Variants in EHBP1 observed in about 807,000 individuals in gnomAD.
EHBP1 encodes the protein EH domain binding protein 1, also known as EH domain-binding protein 1.
A neutral mutation model predicts 144.0 loss-of-function variants in EHBP1; 55 were observed. That is an observed-to-expected ratio of 0.38 (90% CI 0.31 to 0.48). EHBP1 has a LOEUF of 0.48. Among genes scored for constraint, EHBP1 ranks in the 20% least tolerant of loss-of-function variants. The pLI is 0.98. For missense variants in EHBP1, 1,200 were observed against 1,364.2 expected, an observed-to-expected ratio of 0.88 and a Z score of 1.90; for synonymous variants, 469 against 472.7, an observed-to-expected ratio of 0.99 and a Z score of 0.10.
chr2:62,813,334 A>C (rs1357985976), intron 5 of EHBP1, among the ~76,000 whole-genome samples: 3 of 152,214 alleles, frequency 2.0e-5, no homozygotes, highest in Non-Finnish European at 4.4e-5. Flanking sequence ...GGGGGCATGG[A>C]TACCTCTACC....
chr2:62,835,048 G>C (rs1376375311), intron 7 of EHBP1, among the ~76,000 whole-genome samples: 1 of 152,054 alleles, frequency 6.6e-6, no homozygotes, highest in Admixed American at 6.5e-5. Flanking sequence ...ATTTGTATCA[G>C]TTTGCCCCAT....
chr2:62,943,001 T>G (rs1156786529), intron 11 of EHBP1, 105 bp downstream of exon 11: 5 of 853,506 alleles, frequency 5.9e-6, no homozygotes, highest in Non-Finnish European at 7.0e-6. Context: ...TTATATTTGT[T>G]TTATTACCCC....
chr2:62,793,823 T>A (rs775623464), intron 5 of EHBP1, among the ~76,000 whole-genome samples: 3 of 151,998 alleles, frequency 2.0e-5, no homozygotes, highest in African/African-American at 7.2e-5. Context: ...TTAACTCCAA[T>A]AGAAATAAAC....
At chr2:63,035,547 G>A (rs934240643) in intron 19 of EHBP1, among the ~76,000 whole-genome samples, 5 of 152,014 alleles carry the variant, frequency 3.3e-5, no homozygotes, top group African/African-American at 1.2e-4. Flanking sequence ...TTTAAGAGTA[G>A]GCTGATTGCT....
At chr2:62,857,409 A>C (rs2049146235) in intron 7 of EHBP1, among the ~76,000 whole-genome samples, 2 of 152,200 alleles carry the variant, frequency 1.3e-5, no homozygotes, top group African/African-American at 4.8e-5. Context: ...TCAATACATG[A>C]ATAGTTGCAG....
At chr2:62,876,587 A>G (rs2050906957) in intron 10 of EHBP1, among the ~76,000 whole-genome samples, 1 of 152,236 alleles carries the variant, frequency 6.6e-6, no homozygotes, top group Non-Finnish European at 1.5e-5. Flanking sequence ...GAACTACTCA[A>G]GACTGGGTAA....
intron 10 of EHBP1, among the ~76,000 whole-genome samples, chr2:62,929,621 A>G (rs2055823341): frequency 6.6e-6 from 1 of 152,230 alleles, no homozygotes; most frequent in Admixed American, 6.5e-5. Context: ...AAAATATCAT[A>G]TTCAATAGTG....
At chr2:62,804,198 C>G (rs1210011787) in intron 5 of EHBP1, among the ~76,000 whole-genome samples, 1 of 152,082 alleles carries the variant, frequency 6.6e-6, no homozygotes, top group Non-Finnish European at 1.5e-5. Context: ...GGGGGAGAGA[C>G]AGTTGATTTT....
chr2:62,784,322 A>T (rs1162968520), intron 5 of EHBP1, among the ~76,000 whole-genome samples: 1 of 152,186 alleles, frequency 6.6e-6, no homozygotes, highest in Non-Finnish European at 1.5e-5. Flanking sequence ...CCATTGTTCT[A>T]CTTAATTTGG....
intron 5 of EHBP1, among the ~76,000 whole-genome samples, chr2:62,777,805 T>C (rs1474208342): frequency 6.6e-6 from 1 of 152,090 alleles, no homozygotes; most frequent in Non-Finnish European, 1.5e-5. Context: ...GTTGGAATAA[T>C]TCCTGGAGGA....
intron 10 of EHBP1, among the ~76,000 whole-genome samples, chr2:62,929,480 C>G (rs2055808025): frequency 6.6e-6 from 1 of 152,004 alleles, no homozygotes; most frequent in African/African-American, 2.4e-5. Flanking sequence ...TACATGTAAT[C>G]ATCTCAGTCA....
intron 2 of EHBP1, among the ~76,000 whole-genome samples, chr2:62,730,885 G>GAA (rs60707502): frequency 2.9e-4 from 41 of 142,130 alleles, no homozygotes; most frequent in East Asian, 6.4e-4. Context: ...CAGAGAAAGA[G>GAA]TAAGACAGAA....
At chr2:62,994,148 A>G (rs2059534718) in intron 18 of EHBP1, 171 bp downstream of exon 18, 1 of 405,430 alleles carries the variant, frequency 2.5e-6, no homozygotes, top group African/African-American at 2.0e-5. Context: ...CAGTGTGGTG[A>G]TAATTGTCAG....
In EHBP1 at chr2:62,798,383, G is replaced by A. The variant is rs914843913; in HGVS notation, c.312+26991G>A. On this transcript the variant is annotated intron_variant, in intron 5 of 22. Coordinates refer to ENST00000431489, the MANE Select transcript of EHBP1 (RefSeq NM_001142616.3). The stretch of plus-strand genomic sequence containing the variant: ...ACTCCGTCAAAAAAAAAAAAAGAAA[G>A]AAATATCTGTAGAAATCTCAATTCT... Among the ~76,000 whole-genome samples the A allele has an allele frequency of 1.7e-4, 26 of 151,618 alleles. No homozygotes were observed. In the East Asian group the frequency reaches 4.9e-3, roughly 28 times the overall value.
intron 19 of EHBP1, among the ~76,000 whole-genome samples, chr2:63,032,746 C>G (rs6705798): frequency 5.3e-5 from 8 of 151,754 alleles, no homozygotes; most frequent in Non-Finnish European, 1.0e-4. Context: ...AGTCCATGCA[C>G]AGGGGTCTGT....
intron 2 of EHBP1, among the ~76,000 whole-genome samples, chr2:62,735,621 A>G (rs2038049367): frequency 6.6e-6 from 1 of 152,044 alleles, no homozygotes; most frequent in African/African-American, 2.4e-5. Context: ...ATCCTTTGGT[A>G]CTCTTCCTTA....
intron 10 of EHBP1, among the ~76,000 whole-genome samples, chr2:62,904,505 G>A (rs1558887692): frequency 6.6e-6 from 1 of 152,198 alleles, no homozygotes; most frequent in Non-Finnish European, 1.5e-5. Context: ...GTGTCAGCCA[G>A]GACTGGAACT....
chr2:62,964,666 A>C (rs751939186), intron 14 of EHBP1, among the ~76,000 whole-genome samples: 29 of 152,194 alleles, frequency 1.9e-4, no homozygotes, highest in Non-Finnish European at 3.4e-4. Flanking sequence ...GATAGCAGTG[A>C]AACAGTATTA....
chr2:62,907,121 G>T (rs1460538084), intron 10 of EHBP1, among the ~76,000 whole-genome samples: 1 of 152,172 alleles, frequency 6.6e-6, no homozygotes, highest in Non-Finnish European at 1.5e-5. Context: ...ATTTTTGTGT[G>T]ATTAAAAGTT....
Sources: gnomAD v4.1 joint callset for allele counts (sites outside exome capture counted in the v4.1 genomes callset) on GRCh38, gnomAD v4.1.1 for gene constraint, MANE v1.5 for transcripts, NCBI Gene and HGNC (gene_info 2026-07-23, HGNC 2026-07-21) for gene names.